The following CSF2RA variants were observed in gnomAD, a reference collection of about 807,000 sequenced individuals.
CSF2RA encodes the protein colony stimulating factor 2 receptor subunit alpha, also known as granulocyte-macrophage colony-stimulating factor receptor subunit alpha.
CSF2RA carries 42 observed loss-of-function variants against 51.6 expected under a neutral mutation model. The observed-to-expected ratio is 0.81, with a 90% CI of 0.64 to 1.05. CSF2RA has a LOEUF of 1.05. Among genes scored for constraint, CSF2RA ranks in the 50% least tolerant of loss-of-function variants. The pLI, the probability that CSF2RA is intolerant of heterozygous loss-of-function variation, is 0.00. For missense variants in CSF2RA, 530 were observed against 501.1 expected, an observed-to-expected ratio of 1.06 and a Z score of -0.55; for synonymous variants, 222 against 193.0, an observed-to-expected ratio of 1.15 and a Z score of -1.24.
rs1437736490 is a variant in CSF2RA at position 1,290,480 on chromosome X, T to G, written c.617T>G (p.Phe206Cys). ...GTSREIGIQFFDSLLDTKKIE... is the reference protein window; with the variant it reads ...GTSREIGIQFCDSLLDTKKIE... ...AGCCGAGAAATTGGCATCCAATTCT[T>G]TGATTCACTTTTGGACACAAAGAAA... Residue 206 changes from phenylalanine (F) to cysteine (C), a missense_variant, in exon 7 of 13, where the codon TTT becomes TGT. Phe to Cys is a radical substitution (Grantham distance 205). Coordinates refer to ENST00000381529, the MANE Select transcript of CSF2RA (RefSeq NM_172245.4). The G allele has an allele frequency of 6.2e-6, 10 of 1,613,818 alleles. No individual in the cohort carries two copies. Among genetic ancestry groups the G allele is most frequent in the Non-Finnish European group, 8.5e-6 (10 of 1,179,862 alleles).
chrX:1,294,980 C>CCACA (rs2091792308), intron 8 of CSF2RA, among the ~76,000 whole-genome samples: 8 of 147,048 alleles, frequency 5.4e-5, no homozygotes, highest in African/African-American at 2.0e-4. Context: ...GCCTCACGTC[C>CCACA]ACCTCGATCC....
intron 9 of CSF2RA, 91 bp downstream of exon 9, chrX:1,295,547 CT>C: frequency 6.4e-6 from 6 of 944,880 alleles, no homozygotes; most frequent in East Asian, 2.8e-5. Context: ...CAGTCCCCTA[CT>C]CATGACCCCT....
At chrX:1,314,255 CCCAACCCCA>C (rs2084324731), downstream of CSF2RA, among the ~76,000 whole-genome samples, 2 of 30,622 alleles carry the variant, frequency 6.5e-5, 1 homozygote, top group African/African-American at 1.9e-4. Flanking sequence ...ACTGCACCTG[CCCAACCCCA>C]CTGCGCCTGC....
In CSF2RA at chrX:1,281,603, A is replaced by T. The variant is rs2090082608; in HGVS notation, c.-26-1075A>T. Among the ~76,000 whole-genome samples the T allele has an allele frequency of 2.6e-5, 4 of 151,848 alleles. No individual in the cohort carries two copies. The South Asian group carries it at 8.3e-4, about 32-fold the overall frequency. On this transcript the variant is annotated intron_variant, in intron 2 of 12. Coordinates refer to ENST00000381529, the MANE Select transcript of CSF2RA (RefSeq NM_172245.4). ...TTTGCATAAAGAAGTATCAAATAAG[A>T]GTAGTTTCACTGCCCTAAACATCCT... is the stretch of plus-strand genomic sequence containing the variant.
the CSF2RA span, among the ~76,000 whole-genome samples, chrX:1,316,949 T>C: frequency 6.6e-6 from 1 of 152,194 alleles, no homozygotes. Context: ...ATATTTTCTT[T>C]CTTTCTTTTT....
At chrX:1,303,143 C>T (rs768077786) in intron 10 of CSF2RA, 25 of 258,608 alleles carry the variant, frequency 9.7e-5, no homozygotes, top group African/African-American at 4.9e-4. Context: ...CTGCAACCTC[C>T]GTCTCCCAGG....
At chrX:1,313,004 C>A (rs189366955), downstream of CSF2RA, among the ~76,000 whole-genome samples, 1 of 152,234 alleles carries the variant, frequency 6.6e-6, no homozygotes, top group East Asian at 1.9e-4. Flanking sequence ...GAGGAGGAGA[C>A]TCCCACAGGG....
intron 4 of CSF2RA, among the ~76,000 whole-genome samples, chrX:1,286,742 A>G (rs1295001597): frequency 6.6e-6 from 1 of 152,164 alleles, no homozygotes; most frequent in Non-Finnish European, 1.5e-5. Context: ...CCTGAGGCAG[A>G]GCCTATGTTA....
At chrX:1,279,730 A>C (rs1335419329) in intron 2 of CSF2RA, among the ~76,000 whole-genome samples, 2 of 151,810 alleles carry the variant, frequency 1.3e-5, no homozygotes, top group African/African-American at 4.8e-5. Flanking sequence ...ACTTCCTCTT[A>C]GCAAGCGAGG....
At chrX:1,273,219 G>A (rs374186254) in intron 1 of CSF2RA, among the ~76,000 whole-genome samples, 1 of 151,928 alleles carries the variant, frequency 6.6e-6, no homozygotes. Flanking sequence ...ATTGAACCCT[G>A]TATATCGTGA....
chrX:1,306,840 G>A (rs1324129268), intron 12 of CSF2RA, among the ~76,000 whole-genome samples: 4 of 149,760 alleles, frequency 2.7e-5, no homozygotes, highest in Non-Finnish European at 4.5e-5. Context: ...GAAACAGAGA[G>A]ACATAGGTGG....
intron 4 of CSF2RA, among the ~76,000 whole-genome samples, chrX:1,287,349 T>C (rs1368576284): frequency 6.7e-6 from 1 of 150,194 alleles, no homozygotes; most frequent in Admixed American, 6.7e-5. Flanking sequence ...AGACGGGGTT[T>C]CACCATGTTG....
In CSF2RA at chrX:1,300,647, A is replaced by G. The variant is rs764326177; in HGVS notation, c.946+21A>G. ...ATTTGGTAAGCGTTGGGCGGAGGTA[A>G]GGGATGTTTGTGCCGTCTGCGGCCA... is the stretch of plus-strand genomic sequence containing the variant. On this transcript the variant is annotated intron_variant, in intron 10 of 12. Transcript: ENST00000381529. The G allele has an allele frequency of 3.1e-6, 5 of 1,613,752 alleles. No homozygotes were observed. The Admixed American group carries it at 8.3e-5, about 27-fold the overall frequency.
intron 9 of CSF2RA, 90 bp downstream of exon 9, chrX:1,295,546 ACT>A: frequency 1.0e-6 from 1 of 982,938 alleles, no homozygotes; most frequent in Non-Finnish European, 1.6e-6. Context: ...ACAGTCCCCT[ACT>A]CATGACCCCT....
chrX:1,318,639 C>T, the CSF2RA span, among the ~76,000 whole-genome samples: 6 of 148,950 alleles, frequency 4.0e-5, no homozygotes, highest in East Asian at 2.2e-4. Flanking sequence ...CAAAGCTGAC[C>T]GGGCGCGGTG....
chrX:1,294,750 C>T (rs1253776242), intron 8 of CSF2RA, among the ~76,000 whole-genome samples: 2 of 151,728 alleles, frequency 1.3e-5, no homozygotes, highest in African/African-American at 4.8e-5. Flanking sequence ...GCAAGGAGAG[C>T]CTCTGCTCCA....
chrX:1,314,812 C>T (rs1156418401), downstream of CSF2RA, among the ~76,000 whole-genome samples: 1 of 92,474 alleles, frequency 1.1e-5, no homozygotes, highest in South Asian at 4.0e-4. Flanking sequence ...CCTGCCCAAC[C>T]CCACTGTGCC....
At chrX:1,291,494 G>A (rs2091395835) in intron 7 of CSF2RA, among the ~76,000 whole-genome samples, 1 of 151,510 alleles carries the variant, frequency 6.6e-6, no homozygotes, top group Admixed American at 6.6e-5. Flanking sequence ...CCCTGCTCCT[G>A]GCTGGCCTCT....
downstream of CSF2RA, among the ~76,000 whole-genome samples, chrX:1,315,003 C>CCACTGTGCCTGCCCAACCG (rs2084509635): frequency 5.8e-5 from 4 of 69,500 alleles, no homozygotes; most frequent in African/African-American, 1.9e-4. Context: ...CTGCCCAACC[C>CCACTGTGCCTGCCCAACCG]CACTGCACCT....
Sources: allele counts gnomAD v4.1 joint callset (sites outside exome capture counted in the v4.1 genomes callset), GRCh38; gene constraint gnomAD v4.1.1; transcripts MANE v1.5; gene names NCBI Gene and HGNC (gene_info 2026-07-23, HGNC 2026-07-21).